The following NME4 variants were observed in gnomAD, a reference collection of about 807,000 sequenced individuals.
NME4 encodes the protein NME/NM23 nucleoside diphosphate kinase 4.
Under a neutral mutation model 16.4 loss-of-function variants are expected in NME4, and 21 were observed. The ratio of observed to expected loss-of-function variants is 1.28; its 90% CI spans 0.91 to 1.84. NME4 has a LOEUF of 1.84. Ranked by LOEUF, NME4 falls within the 40% of genes most tolerant of loss-of-function variation. The probability of loss-of-function intolerance (pLI) is 0.00; values close to 1 mark genes in which losing one functional copy is unlikely to be tolerated. For synonymous variants in NME4, 132 were observed against 107.5 expected, an observed-to-expected ratio of 1.23 and a Z score of -1.41; for missense variants, 316 against 261.3, an observed-to-expected ratio of 1.21 and a Z score of -1.44.
In NME4 at chr16:398,989, G is replaced by A. The variant is rs1369032457; in HGVS notation, c.92-1G>A. ...TGCCTCTGACCTCTTGCCTTTTGAAGGAGGGCCCTCCTGGACCCGGGAGCG... is the reference window on the plus strand; with the variant it reads ...TGCCTCTGACCTCTTGCCTTTTGAAAGAGGGCCCTCCTGGACCCGGGAGCG... On this transcript the variant is annotated splice_acceptor_variant, in intron 1 of 4. Coordinates refer to ENST00000219479, the MANE Select transcript of NME4 (RefSeq NM_005009.3). LOFTEE classifies it high-confidence loss of function. The A allele has an allele frequency of 5.6e-6, 9 of 1,610,094 alleles. No individual in the cohort carries two copies. Among genetic ancestry groups the A allele is most frequent in the African/African-American group, 1.3e-5 (1 of 75,066 alleles).
intron 1 of NME4, chr16:398,100 A>T: frequency 6.5e-7 from 1 of 1,531,252 alleles, no homozygotes; most frequent in Non-Finnish European, 8.8e-7. Context: ...TGGGACATAC[A>T]GGGTCTGGGC....
At position 399,119 on chromosome 16, in the gene NME4, T is replaced by A. The variant is rs770609638; in HGVS notation, c.221T>A (p.Leu74Gln). Reference sequence around the variant, plus strand: ...TTCACGCTGGTGGGGATGAAGATGCTGCAGGTAGTGGGACTCTGGGCTTGT... The same window carrying A: ...TTCACGCTGGTGGGGATGAAGATGCAGCAGGTAGTGGGACTCTGGGCTTGT... ...RGFTLVGMKM[L>Q]QAPESVLAEH... The change falls in exon 2 of 5, where the codon CTG (leucine) becomes CAG (glutamine). Residue 74 changes from leucine to glutamine, a missense_variant. Leu to Gln is a moderately radical substitution (Grantham distance 113). Coordinates refer to ENST00000219479, the MANE Select transcript of NME4 (RefSeq NM_005009.3). The A allele has an allele frequency of 6.3e-7, 1 of 1,594,802 alleles. No homozygotes were observed. Among genetic ancestry groups the A allele is most frequent in the Non-Finnish European group, 8.5e-7 (1 of 1,174,136 alleles).
At chr16:397,145 G>A, upstream of NME4, 1 of 511,026 alleles carries the variant, frequency 2.0e-6, no homozygotes, top group Non-Finnish European at 2.5e-6. Flanking sequence ...GCTCCCGGGC[G>A]GGCGGGGGCG....
chr16:398,920 C>T (rs2054601983), intron 1 of NME4, 70 bp from the exon 2 acceptor site: 2 of 1,590,508 alleles, frequency 1.3e-6, no homozygotes, highest in South Asian at 1.1e-5. Context: ...TGGGCTCTGG[C>T]TGGGAAACCC....
chr16:399,624 C>G lies in NME4; in HGVS notation c.328-3C>G, dbSNP rs181596048. 6.2e-7 allele frequency: 1 copy of G among 1,612,148 alleles called. No homozygotes were observed. Among genetic ancestry groups the G allele is most frequent in the Non-Finnish European group, 8.5e-7 (1 of 1,179,072 alleles). On this transcript the variant is annotated splice_region_variant and splice_polypyrimidine_tract_variant and intron_variant, in intron 3 of 4. Coordinates refer to ENST00000219479, the MANE Select transcript of NME4 (RefSeq NM_005009.3). ...TCTCCCCAACCATTATCTCTCGCTGCAGGTCTGGGAAGGGTACAATGTCGT... is the reference window on the plus strand; with the variant it reads ...TCTCCCCAACCATTATCTCTCGCTGGAGGTCTGGGAAGGGTACAATGTCGT...
chr16:400,118 TGCTCCCCTA>T, intron 4 of NME4, 92 bp from the exon 5 acceptor site: 1 of 1,516,578 alleles, frequency 6.6e-7, no homozygotes, highest in Non-Finnish European at 9.1e-7. Flanking sequence ...GTCACAGGCT[TGCTCCCCTA>T]GACAGAGGGC....
Position 400,409 on chromosome 16 carries a change from A to G in NME4, c.*67A>G. ...AACTACCTCCGTCAGCAAGAACCCA[A>G]GCCCACATCCAAACCTGCCTGTCCC... On this transcript the variant is annotated 3_prime_UTR_variant, in exon 5 of 5. Transcript: ENST00000219479. 1 of 1,555,098 alleles carries G rather than the reference A, an allele frequency of 6.4e-7. No homozygotes were observed.
chr16:396,744 G>A (rs2054553740), upstream of NME4: 1 of 152,616 alleles, frequency 6.6e-6, no homozygotes, highest in Non-Finnish European at 1.5e-5. Context: ...CCCGCCCTGG[G>A]GCTCACGTGG....
At position 400,681 on chromosome 16, in the gene NME4, GCT is replaced by G. The variant is rs2054643962; in HGVS notation, c.*342_*343del. ...GGTACACTAATTATGACTTCCCCCAGCTCTGAGGTAGAAATGACGCCTTTATG... is the reference window on the plus strand; with the variant it reads ...GGTACACTAATTATGACTTCCCCCAGCTGAGGTAGAAATGACGCCTTTATG... On this transcript the variant is annotated 3_prime_UTR_variant, in exon 5 of 5. Transcript: ENST00000219479. 3 of 258,424 alleles carry G rather than the reference GCT, an allele frequency of 1.2e-5. No individual in the cohort carries two copies. The highest frequency in any genetic ancestry group is 6.6e-5 in the African/African-American group (3 of 45,182). 16.0% of individuals were successfully genotyped at this position (258,424 alleles called of 1,614,324 possible). A position where few individuals can be genotyped will look rare whatever the true frequency, so the allele number is the denominator to read the frequency against.
intron 1 of NME4, chr16:398,676 G>C: frequency 6.5e-6 from 3 of 464,922 alleles, no homozygotes; most frequent in Non-Finnish European, 1.2e-5. Flanking sequence ...GGACCTTGCG[G>C]TGGTGGTCCC....
At chr16:399,301 G>T (rs1228698949) in intron 2 of NME4, 78 bp from the exon 3 acceptor site, 1 of 1,469,146 alleles carries the variant, frequency 6.8e-7, no homozygotes, top group East Asian at 2.3e-5. Context: ...CAAGGTGCCT[G>T]AGGTCAGGGC....
Position 400,577 on chromosome 16 carries a change from G to A in NME4, c.*235G>A. ...ACCAAAGTGCCGGACAACCTTTGTG[G>A]TGGGGGGGGGTCTTCACATTATCAT... is the stretch of plus-strand genomic sequence containing the variant. On this transcript the variant is annotated 3_prime_UTR_variant, in exon 5 of 5. Coordinates refer to ENST00000219479, the MANE Select transcript of NME4 (RefSeq NM_005009.3). The A allele has an allele frequency of 2.0e-6, 1 of 490,942 alleles. No homozygotes were observed. Among genetic ancestry groups the A allele is most frequent in the South Asian group, 3.8e-5 (1 of 26,310 alleles). 30.4% of individuals were successfully genotyped at this position (490,942 alleles called of 1,614,324 possible).
In NME4 at chr16:400,220, A is replaced by G; in HGVS notation, c.442A>G (p.Asn148Asp). The G allele has an allele frequency of 6.2e-7, 1 of 1,607,088 alleles. No homozygotes were observed. The highest frequency in any genetic ancestry group is 8.5e-7 in the Non-Finnish European group (1 of 1,175,700). ...CACATTGCTCCTGTCCTGGCACAGG[A>G]ATGTCATCCACGCCAGCGACTCCGT... is the stretch of plus-strand genomic sequence containing the variant. ...RGDFSVHISR[N>D]VIHASDSVEG... is the part of the protein sequence containing the mutation. Residue 148 changes from asparagine (N) to aspartate (D), a missense_variant and splice_region_variant, in exon 5 of 5, where the codon AAT (asparagine) becomes GAT (aspartate). Transcript: ENST00000219479.
intron 1 of NME4, 195 bp from the exon 2 acceptor site, chr16:398,795 G>A (rs1476521860): frequency 1.4e-6 from 1 of 699,932 alleles, no homozygotes; most frequent in African/African-American, 1.8e-5. Context: ...GGGACACATT[G>A]CCTTGGGTGT....
Position 399,051 on chromosome 16 carries a change from G to A in NME4, c.153G>A (p.Arg51=). 2 of 1,607,538 alleles carry A rather than the reference G, an allele frequency of 1.2e-6. No homozygotes were observed. Among genetic ancestry groups the A allele is most frequent in the South Asian group, 2.2e-5 (2 of 90,992 alleles). The change falls in exon 2 of 5, where the codon CGG becomes CGA. Residue 51 remains arginine, a synonymous_variant. Transcript: ENST00000219479. ...LVAVKPDGVQ[R]RLVGDVIQRF... is the part of the protein sequence containing the mutation. The stretch of plus-strand genomic sequence containing the variant: ...CGGTGAAGCCCGATGGCGTGCAACG[G>A]CGGCTCGTTGGGGACGTGATCCAGC...
chr16:400,085 C>T (rs1165239107), intron 4 of NME4, 134 bp from the exon 5 acceptor site: 6 of 1,341,570 alleles, frequency 4.5e-6, no homozygotes, highest in Non-Finnish European at 6.4e-6. Flanking sequence ...CCCAGCTCCA[C>T]TGTTACTCCT....
Position 399,371 on chromosome 16 carries a change from C to G in NME4, c.226-8C>G, listed in dbSNP as rs781702874. 5.0e-6 allele frequency: 8 copies of G among 1,612,480 alleles called. No individual in the cohort carries two copies. The highest frequency in any genetic ancestry group is 6.8e-6 in the Non-Finnish European group (8 of 1,179,570). On this transcript the variant is annotated splice_region_variant and splice_polypyrimidine_tract_variant and intron_variant, in intron 2 of 4. Transcript: ENST00000219479. ...TCTGCGGCTCCTCCTTACCTCAATG[C>G]CACCCAGGCACCAGAGAGCGTCCTT...
intron 1 of NME4, chr16:397,934 C>G (rs1300385600): frequency 6.5e-7 from 1 of 1,550,072 alleles, no homozygotes; most frequent in African/African-American, 1.4e-5. Context: ...CCGCACCAGC[C>G]GCAGCAGAGC....
Position 399,448 on chromosome 16 carries a change from C to T in NME4, c.295C>T (p.Arg99Cys), listed in dbSNP as rs200812325. 2.2e-5 allele frequency: 36 copies of T among 1,612,956 alleles called. No individual in the cohort carries two copies. In the East Asian group the frequency reaches 3.8e-4, roughly 17 times the overall value. Residue 99 changes from arginine to cysteine, a missense_variant, in exon 3 of 5, where the codon CGC becomes TGC. Arg to Cys is a radical substitution (Grantham distance 180). Transcript: ENST00000219479. ...RRKPFYPALI[R>C]YMSSGPVVAM... ...GAAGCCCTTCTACCCTGCCCTCATC[C>T]GCTACATGAGCTCTGGGCCTGTGGT...
Sources: gnomAD v4.1 joint callset for allele counts on GRCh38, gnomAD v4.1.1 for gene constraint, MANE v1.5 for transcripts, NCBI Gene and HGNC (gene_info 2026-07-23, HGNC 2026-07-21) for gene names.